SLF2: variants seen among roughly 807,000 people sequenced by gnomAD.
SLF2 encodes SMC5-SMC6 complex localization factor protein 2.
A neutral mutation model predicts 124.3 loss-of-function variants in SLF2; 68 were observed. That is an observed-to-expected ratio of 0.55 (90% confidence interval 0.45 to 0.67). SLF2 has a LOEUF of 0.67. SLF2 is among the 30% of genes least tolerant of loss of function. The pLI is 0.00. For missense variants in SLF2, 1,246 were observed against 1,373.7 expected (o/e 0.91, Z 1.47); for synonymous variants, 480 against 478.8 (o/e 1.00, Z -0.03).
chr10:100,947,445 T>C (rs1850125708), intron 14 of SLF2, among the ~76,000 whole-genome samples: 1 of 152,128 alleles, frequency 6.6e-6, no homozygotes, highest in Non-Finnish European at 1.5e-5. Context: ...CAAAAATAAA[T>C]GAATTAGCTT....
chr10:100,920,800 A>G (rs983610210), intron 4 of SLF2, among the ~76,000 whole-genome samples: 1 of 152,084 alleles, frequency 6.6e-6, no homozygotes, highest in Non-Finnish European at 1.5e-5. Flanking sequence ...AATTACAAAA[A>G]TTAGCTGGGC....
At chr10:100,915,442 C>G (rs1849396248) in intron 1 of SLF2, among the ~76,000 whole-genome samples, 1 of 152,180 alleles carries the variant, frequency 6.6e-6, no homozygotes, top group African/African-American at 2.4e-5. Flanking sequence ...GCCAAATCAC[C>G]TGTATTGCCA....
intron 19 of SLF2, chr10:100,959,707 C>A: frequency 1.1e-6 from 1 of 907,344 alleles, no homozygotes; most frequent in Non-Finnish European, 1.5e-6. Flanking sequence ...TGGTTGAGCC[C>A]ATTTAAAAAT....
chr10:100,937,349 A>ATGTT, intron 9 of SLF2, 53 bp from the exon 10 acceptor site: 2 of 1,365,206 alleles, frequency 1.5e-6, no homozygotes, highest in Admixed American at 1.7e-5. Flanking sequence ...CAAATAATGA[A>ATGTT]TGTTTGTGTT....
chr10:100,913,492 C>A, intron 1 of SLF2: 1 of 1,265,886 alleles, frequency 7.9e-7, no homozygotes, highest in Non-Finnish European at 9.9e-7. Flanking sequence ...CTACGGAGAA[C>A]CCGCCTTAGG....
At chr10:100,917,781 T>C (rs1169149995) in intron 3 of SLF2, among the ~76,000 whole-genome samples, 5 of 152,164 alleles carry the variant, frequency 3.3e-5, no homozygotes, top group Non-Finnish European at 7.4e-5. Flanking sequence ...CTCCCTATAC[T>C]GCCCAGGCTG....
chr10:100,916,055 T>C lies in SLF2; in HGVS notation c.184+13T>C. 2 of 1,603,682 alleles carry C rather than the reference T, an allele frequency of 1.2e-6. No individual in the cohort carries two copies. Among genetic ancestry groups the C allele is most frequent in the Non-Finnish European group, 1.7e-6 (2 of 1,173,120 alleles). ...GCTTCAAAACAAGGTATGTACACTG[T>C]TGATGCATTTTTTGTGGGCTATTTT... On this transcript the variant is annotated intron_variant, in intron 2 of 19. Transcript: ENST00000238961.
Position 100,924,253 on chromosome 10 carries a change from C to T in SLF2, c.1252C>T (p.His418Tyr), listed in dbSNP as rs1849570062. ...APSNSGNSGHHSTRNSDQIQV... is the reference protein window; with the variant it reads ...APSNSGNSGHYSTRNSDQIQV... ...TTCAAATTCTGGCAATTCTGGCCAC[C>T]ATTCTACCAGGAATAGTGACCAAAT... The change falls in exon 5 of 20, where the codon CAT (histidine) becomes TAT (tyrosine). Residue 418 changes from histidine to tyrosine, a missense_variant. Around this residue, in one of 3 missense-constraint regions of SLF2, gnomAD observed 698 missense variants for 708.9 expected, o/e 0.98. Transcript: ENST00000238961. 6.2e-7 allele frequency: 1 copy of T among 1,614,160 alleles called. No homozygotes were observed. Among genetic ancestry groups the T allele is most frequent in the South Asian group, 1.1e-5 (1 of 91,080 alleles).
chr10:100,951,018 A>G (rs1215536814), intron 17 of SLF2, among the ~76,000 whole-genome samples: 1 of 152,182 alleles, frequency 6.6e-6, no homozygotes. Flanking sequence ...AGGTGCGTGG[A>G]TCACTTGAGG....
At chr10:100,957,274 T>C (rs1262649979) in intron 18 of SLF2, among the ~76,000 whole-genome samples, 1 of 151,258 alleles carries the variant, frequency 6.6e-6, no homozygotes, top group African/African-American at 2.4e-5. Context: ...ACAAATAGAT[T>C]AGCTGTTATT....
rs1481435595 is a variant in SLF2, at chr10:100,924,594, C to T, written c.1593C>T (p.Ala531=). 9 of 1,613,874 alleles carry T rather than the reference C, an allele frequency of 5.6e-6. No individual in the cohort carries two copies. The highest frequency in any genetic ancestry group is 4.0e-5 in the African/African-American group (3 of 74,882). ...HKEHKAKTNK[A]DSNVSSGKIS... The stretch of plus-strand genomic sequence containing the variant: ...AACACAAAGCAAAGACTAATAAGGC[C>T]GATTCTAATGTATCTTCAGGGAAAA... Residue 531 remains alanine (A), a synonymous_variant, in exon 5 of 20, where the codon GCC becomes GCT. Coordinates refer to ENST00000238961, the MANE Select transcript of SLF2 (RefSeq NM_018121.4).
At chr10:100,932,731 G>GCA (rs1849768208) in intron 9 of SLF2, among the ~76,000 whole-genome samples, 1 of 151,184 alleles carries the variant, frequency 6.6e-6, no homozygotes, top group Admixed American at 6.6e-5. Flanking sequence ...GCGCGCGCGC[G>GCA]CGCGCGCACA....
At chr10:100,957,869 CTT>C (rs1850362051) in intron 18 of SLF2, among the ~76,000 whole-genome samples, 1 of 152,018 alleles carries the variant, frequency 6.6e-6, no homozygotes, top group Non-Finnish European at 1.5e-5. Flanking sequence ...AAATCAGACA[CTT>C]TTAAAATACT....
rs1850430552 is a variant in SLF2, at chr10:100,961,734, TA to T, written c.3487-140del. On this transcript the variant is annotated intron_variant, in intron 19 of 19. Coordinates refer to ENST00000238961, the MANE Select transcript of SLF2 (RefSeq NM_018121.4). ...ATGTGAAATTTGAATCTGATTACCA[TA>T]AATTTTCAGAGAAGTCAATATAAAG... 4.7e-6 allele frequency: 3 copies of T among 637,176 alleles called. No individual in the cohort carries two copies. The Admixed American group carries it at 9.6e-5, about 20-fold the overall frequency. 39.5% of individuals were successfully genotyped at this position (637,176 alleles called of 1,614,324 possible).
intron 18 of SLF2, among the ~76,000 whole-genome samples, chr10:100,957,512 G>T (rs989161197): frequency 6.6e-6 from 1 of 151,004 alleles, no homozygotes; most frequent in Admixed American, 6.6e-5. Flanking sequence ...TACCATGCCC[G>T]GCAAATTTTT....
intron 1 of SLF2, chr10:100,913,620 A>G (rs1363239931): frequency 7.3e-6 from 8 of 1,100,940 alleles, no homozygotes; most frequent in South Asian, 4.3e-5. Context: ...TGGTTTAGTA[A>G]TATAAACCTT....
chr10:100,938,856 A>G lies in SLF2; in HGVS notation c.2654+120A>G, dbSNP rs1849915069. 4.4e-6 allele frequency: 4 copies of G among 900,082 alleles called. No individual in the cohort carries two copies. The South Asian group carries it at 7.8e-5, about 17-fold the overall frequency. 55.8% of individuals were successfully genotyped at this position (900,082 alleles called of 1,614,324 possible). A position where few individuals can be genotyped will look rare whatever the true frequency, so the allele number is the denominator to read the frequency against. On this transcript the variant is annotated intron_variant, in intron 11 of 19. Coordinates refer to ENST00000238961, the MANE Select transcript of SLF2 (RefSeq NM_018121.4). Reference sequence around the variant, plus strand: ...AAAAGATCTCTCAAAGTTGAGATCAATCTTGAATTAGATACATTTTTAACA... The same window carrying G: ...AAAAGATCTCTCAAAGTTGAGATCAGTCTTGAATTAGATACATTTTTAACA...
chr10:100,957,328 C>G (rs1589969531), intron 18 of SLF2, among the ~76,000 whole-genome samples: 2 of 99,152 alleles, frequency 2.0e-5, no homozygotes, highest in Admixed American at 1.2e-4. Flanking sequence ...AAGGAGTCTT[C>G]AATTTTTTTT....
chr10:100,933,315 T>C (rs1564776368), intron 9 of SLF2, among the ~76,000 whole-genome samples: 1 of 152,246 alleles, frequency 6.6e-6, no homozygotes. Flanking sequence ...ACATTTCATA[T>C]TTATTTTCTG....
Sources: allele counts gnomAD v4.1 joint callset (sites outside exome capture counted in the v4.1 genomes callset), GRCh38; gene constraint gnomAD v4.1.1; regional missense constraint gnomAD v4.1.1; transcripts MANE v1.5; gene names NCBI Gene and HGNC (gene_info 2026-07-23, HGNC 2026-07-21).